The following SUSD1 variants were observed in gnomAD, a reference collection of about 807,000 sequenced individuals.
SUSD1 encodes the protein sushi domain-containing protein 1.
A neutral mutation model predicts 86.9 loss-of-function variants in SUSD1; 65 were observed. The ratio of observed to expected loss-of-function variants is 0.75; its 90% CI spans 0.61 to 0.92. SUSD1 has a LOEUF of 0.92. SUSD1 is among the 40% of genes least tolerant of loss of function. The probability of loss-of-function intolerance (pLI) is 0.00; values close to 1 mark genes in which losing one functional copy is unlikely to be tolerated. For missense variants in SUSD1, 850 were observed against 929.7 expected, an observed-to-expected ratio of 0.91 and a Z score of 1.11; for synonymous variants, 346 against 350.0, an observed-to-expected ratio of 0.99 and a Z score of 0.13.
intron 15 of SUSD1, among the ~76,000 whole-genome samples, chr9:112,051,070 A>G (rs955848344): frequency 1.3e-5 from 2 of 152,214 alleles, no homozygotes; most frequent in Admixed American, 1.3e-4. Context: ...CTGCCCAGCA[A>G]GAGGTGATCA....
At chr9:112,119,277 C>T (rs1277931115) in intron 6 of SUSD1, among the ~76,000 whole-genome samples, 1 of 152,222 alleles carries the variant, frequency 6.6e-6, no homozygotes, top group Non-Finnish European at 1.5e-5. Flanking sequence ...ATGGTCCAAA[C>T]CTCATTCACA....
Position 112,152,569 on chromosome 9 carries a change from A to AT in SUSD1, c.218-3171dup, listed in dbSNP as rs57257840. Among the ~76,000 whole-genome samples the AT allele has an allele frequency of 1.1e-3, 137 of 122,640 alleles. 1 individual carries two copies. The highest frequency in any genetic ancestry group is 3.0e-3 in the South Asian group (12 of 3,988). The allele number at this position is 122,640 out of a possible 152,430, so 80.5% of individuals were successfully genotyped here. A position where few individuals can be genotyped will look rare whatever the true frequency, so the allele number is the denominator to read the frequency against. The stretch of plus-strand genomic sequence containing the variant: ...AGGTGACTGCTACTGTGCCTGGATA[A>AT]TTTTTTTTTTTTTTTTTTGTACAGA... On this transcript the variant is annotated intron_variant, in intron 2 of 16. Coordinates refer to ENST00000374270, the MANE Select transcript of SUSD1 (RefSeq NM_022486.5).
chr9:112,093,103 A>C (rs16916658), intron 10 of SUSD1, among the ~76,000 whole-genome samples: 5,751 of 152,310 alleles, frequency 0.038, 176 homozygotes, highest in Non-Finnish European at 0.059. Flanking sequence ...ATAATTACAG[A>C]GATCAGTGAC....
chr9:112,098,702 C>T lies in SUSD1; in HGVS notation c.1282-40G>A, dbSNP rs573032926. The T allele has an allele frequency of 5.7e-6, 9 of 1,591,202 alleles. No homozygotes were observed. In the South Asian group the frequency reaches 1.0e-4, roughly 18 times the overall value. On this transcript the variant is annotated intron_variant, in intron 9 of 16. Coordinates refer to ENST00000374270, the MANE Select transcript of SUSD1 (RefSeq NM_022486.5). ...AAAGAAAGTGTTACATTAGATTTTC[C>T]ATTGACTAACAGGTGCCTAGACTAT...
At chr9:112,086,592 G>A (rs1176683301) in intron 10 of SUSD1, among the ~76,000 whole-genome samples, 1 of 148,234 alleles carries the variant, frequency 6.7e-6, no homozygotes, top group East Asian at 1.9e-4. Flanking sequence ...GAGATCTGGT[G>A]TATAGACAGA....
At chr9:112,101,683 T>C (rs1469076260) in intron 9 of SUSD1, among the ~76,000 whole-genome samples, 4 of 151,822 alleles carry the variant, frequency 2.6e-5, no homozygotes, top group Non-Finnish European at 4.4e-5. Flanking sequence ...CCATCTCTAC[T>C]AAAAATACAA....
chr9:112,051,360 T>A (rs1828184536), intron 15 of SUSD1, among the ~76,000 whole-genome samples: 1 of 151,850 alleles, frequency 6.6e-6, no homozygotes, highest in African/African-American at 2.4e-5. Context: ...CCATGTGGGA[T>A]CATGCATAGG....
intron 9 of SUSD1, 65 bp from the exon 10 acceptor site, chr9:112,098,727 T>G (rs1817903612): frequency 6.8e-7 from 1 of 1,475,722 alleles, no homozygotes; most frequent in African/African-American, 1.4e-5. Flanking sequence ...GCCTAGACTA[T>G]TAGCAAAATG....
In SUSD1 at chr9:112,170,710, T is replaced by TATATATATATAGAG. The variant is rs758442726; in HGVS notation, c.103+4422_103+4423insCTCTATATATATAT. Among the ~76,000 whole-genome samples the TATATATATATAGAG allele has an allele frequency of 9.6e-3, 1,094 of 113,718 alleles. 15 individuals carry two copies. The highest frequency in any genetic ancestry group is 0.029 in the Middle Eastern group (7 of 242). 74.6% of individuals were successfully genotyped at this position (113,718 alleles called of 152,430 possible). On this transcript the variant is annotated intron_variant, in intron 1 of 16. Transcript: ENST00000374270. Reference sequence around the variant, plus strand: ...GCCAGATCATATATATATATATATATAGAGAGAGAGAGAGAGAGAGAGAGA... The same window carrying TATATATATATAGAG: ...GCCAGATCATATATATATATATATATATATATATATAGAGAGAGAGAGAGAGAGAGAGAGAGAGA...
At chr9:112,161,485 A>G (rs1022712915) in intron 1 of SUSD1, among the ~76,000 whole-genome samples, 8 of 152,060 alleles carry the variant, frequency 5.3e-5, no homozygotes, top group African/African-American at 1.9e-4. Context: ...TCAACCCTAC[A>G]ATGATGAACA....
chr9:112,173,469 T>C (rs1359410855), intron 1 of SUSD1: 1 of 181,274 alleles, frequency 5.5e-6, no homozygotes, highest in African/African-American at 2.4e-5. Flanking sequence ...CCCATGCAGA[T>C]GGCAGTCCAA....
intron 2 of SUSD1, among the ~76,000 whole-genome samples, chr9:112,154,351 A>G (rs55861932): frequency 0.26 from 36,581 of 139,416 alleles, 5,424 homozygotes; most frequent in African/African-American, 0.37. Context: ...AAAAAAAAAA[A>G]AGAGAGAGAA....
chr9:112,136,402 G>A lies in SUSD1; in HGVS notation c.706+5918C>T, dbSNP rs143230401. On this transcript the variant is annotated intron_variant, in intron 5 of 16. Transcript: ENST00000374270. ...GCGCGTGCCATCATGCCCAGACAAT[G>A]TTATATGTTTTCGTAGAGACAAGGT... 4.8e-3 allele frequency among the ~76,000 whole-genome samples: 725 copies of A among 152,072 alleles called. 6 individuals carry two copies. The highest frequency in any genetic ancestry group is 0.017 in the African/African-American group (686 of 41,492).
intron 5 of SUSD1, among the ~76,000 whole-genome samples, chr9:112,135,129 C>T (rs1832205619): frequency 6.6e-6 from 1 of 152,008 alleles, no homozygotes; most frequent in Admixed American, 6.6e-5. Context: ...TTATAGTTTG[C>T]CATGAAGCAC....
At chr9:112,128,207 C>T (rs1231204986) in intron 5 of SUSD1, among the ~76,000 whole-genome samples, 1 of 152,072 alleles carries the variant, frequency 6.6e-6, no homozygotes, top group Non-Finnish European at 1.5e-5. Flanking sequence ...ATTCTCATGC[C>T]TCAGCCTCCC....
chr9:112,162,146 T>A (rs993926041), intron 1 of SUSD1, among the ~76,000 whole-genome samples: 9 of 152,196 alleles, frequency 5.9e-5, no homozygotes, highest in Non-Finnish European at 1.2e-4. Context: ...TAGACAACCA[T>A]GAAACAACTG....
At chr9:112,150,815 A>C (rs1589730133) in intron 2 of SUSD1, among the ~76,000 whole-genome samples, 3 of 152,342 alleles carry the variant, frequency 2.0e-5, no homozygotes, top group Admixed American at 2.0e-4. Context: ...AATGTAAAAA[A>C]CTGATACATC....
At chr9:112,078,809 C>CTTTTTTTTTT in intron 11 of SUSD1, 85 bp from the exon 12 acceptor site, 1 of 829,714 alleles carries the variant, frequency 1.2e-6, no homozygotes. Context: ...CTTTTTCTTT[C>CTTTTTTTTTT]TCTTTTTTTT....
At chr9:112,051,141 C>T (rs1589575779) in intron 15 of SUSD1, among the ~76,000 whole-genome samples, 1 of 152,184 alleles carries the variant, frequency 6.6e-6, no homozygotes, top group African/African-American at 2.4e-5. Flanking sequence ...TCTAAATGAG[C>T]GTATTTATTG....
Sources: gnomAD v4.1 joint callset for allele counts (sites outside exome capture counted in the v4.1 genomes callset) on GRCh38, gnomAD v4.1.1 for gene constraint, MANE v1.5 for transcripts, NCBI Gene and HGNC (gene_info 2026-07-23, HGNC 2026-07-21) for gene names.